Variants in SPINT1 observed in about 807,000 individuals in gnomAD.
SPINT1 encodes serine peptidase inhibitor, Kunitz type 1, also known as kunitz-type protease inhibitor 1.
A neutral mutation model predicts 53.7 loss-of-function variants in SPINT1; 38 were observed. The observed-to-expected ratio is 0.71, with a 90% CI of 0.55 to 0.93. SPINT1 has a LOEUF of 0.93. Ranked by LOEUF, SPINT1 falls within the 40% of genes least tolerant of loss-of-function variation. The probability of loss-of-function intolerance (pLI) is 0.00; values close to 1 mark genes in which losing one functional copy is unlikely to be tolerated. For synonymous variants in SPINT1, 283 were observed against 280.6 expected (o/e 1.01, Z -0.08); for missense variants, 645 against 692.9 (o/e 0.93, Z 0.78).
At chr15:40,852,123 C>G (rs942042077) in intron 2 of SPINT1, among the ~76,000 whole-genome samples, 2 of 152,198 alleles carry the variant, frequency 1.3e-5, no homozygotes, top group South Asian at 2.1e-4. Context: ...TCCAAAGACC[C>G]TAGGAGAGAA....
intron 2 of SPINT1, among the ~76,000 whole-genome samples, chr15:40,846,293 T>A (rs1273149095): frequency 6.6e-6 from 1 of 152,156 alleles, no homozygotes; most frequent in Admixed American, 6.5e-5. Flanking sequence ...TACCTGCTGT[T>A]CTGGCCAGGT....
Position 40,855,996 on chromosome 15 carries a change from T to G in SPINT1, c.1222T>G (p.Cys408Gly). 3 of 1,614,210 alleles carry G rather than the reference T, an allele frequency of 1.9e-6. No homozygotes were observed. The highest frequency in any genetic ancestry group is 1.1e-5 in the South Asian group (1 of 91,080). ...CTGCGCCCGCTTTACCTATGGTGGT[T>G]GTTACGGCAACAAGAACAACTTTGA... is the stretch of plus-strand genomic sequence containing the variant. ...EHCARFTYGG[C>G]YGNKNNFEEE... The change falls in exon 9 of 11, where the codon TGT (cysteine) becomes GGT (glycine). Residue 408 changes from cysteine to glycine, a missense_variant. Transcript: ENST00000562057.
Position 40,844,979 on chromosome 15 carries a change from C to G in SPINT1, c.425C>G (p.Thr142Arg), listed in dbSNP as rs12323939. 9,142 of 1,613,626 alleles carry G rather than the reference C, an allele frequency of 5.7e-3. 497 individuals carry two copies. The African/African-American group carries it at 0.11, about 19-fold the overall frequency. Residue 142 changes from threonine (T) to arginine (R), a missense_variant, in exon 2 of 11, where the codon ACG becomes AGG. Physicochemically the swap from Thr to Arg is moderately conservative, Grantham distance 71 (BLOSUM62 -1). Coordinates refer to ENST00000562057, the MANE Select transcript of SPINT1 (RefSeq NM_003710.4). The surrounding 1 kb of genome is among the most constrained non-coding windows in gnomAD (Gnocchi z 5.8). Reference protein sequence around the residue: ...APREGFINYLTREVYRSYRQL... With the variant: ...APREGFINYLRREVYRSYRQL... ...AGGGAGGGCTTCATCAACTACCTCACGAGGGAAGTGTACCGCTCCTACCGC... is the reference window on the plus strand; with the variant it reads ...AGGGAGGGCTTCATCAACTACCTCAGGAGGGAAGTGTACCGCTCCTACCGC...
At chr15:40,848,821 C>G (rs1161797584) in intron 2 of SPINT1, among the ~76,000 whole-genome samples, 2 of 152,172 alleles carry the variant, frequency 1.3e-5, no homozygotes, top group East Asian at 3.8e-4. Flanking sequence ...TTCTCTCTCT[C>G]TCTCTGTCTC....
chr15:40,851,676 C>T (rs898801660), intron 2 of SPINT1, among the ~76,000 whole-genome samples: 3 of 152,232 alleles, frequency 2.0e-5, no homozygotes, highest in East Asian at 1.9e-4. Flanking sequence ...TGAAGGGCAA[C>T]GTATTAATTT....
intron 2 of SPINT1, among the ~76,000 whole-genome samples, chr15:40,847,958 G>A (rs992477632): frequency 1.3e-5 from 2 of 152,048 alleles, no homozygotes; most frequent in African/African-American, 4.8e-5. Flanking sequence ...GTGTTCTCAG[G>A]GTACTCTCCT....
rs1464093852 is a variant in SPINT1, at chr15:40,844,095, C to A, written c.-157C>A. ...AGAAGGCGGCCGAGCCCCAGCTCTC[C>A]GAGCACCGGGTCGGAAGCCGCGACC... On this transcript the variant is annotated 5_prime_UTR_variant, in exon 1 of 11. Transcript: ENST00000562057. This position sits in a 1 kb window ranked among gnomAD's most constrained non-coding sequence, Gnocchi z 5.8. The A allele has an allele frequency of 1.4e-5, 6 of 433,688 alleles. No individual in the cohort carries two copies. The highest frequency in any genetic ancestry group is 2.5e-5 in the Admixed American group (1 of 40,584). 26.9% of individuals were successfully genotyped at this position (433,688 alleles called of 1,614,324 possible).
intron 2 of SPINT1, among the ~76,000 whole-genome samples, chr15:40,846,512 T>G (rs1042629157): frequency 2.0e-5 from 3 of 152,172 alleles, no homozygotes; most frequent in African/African-American, 7.2e-5. Context: ...CCATAAATGG[T>G]AGGCCTGAGA....
chr15:40,852,728 G>C (rs911656433), intron 2 of SPINT1, among the ~76,000 whole-genome samples: 17 of 151,302 alleles, frequency 1.1e-4, no homozygotes, highest in African/African-American at 4.1e-4. Context: ...TTTACAGCTG[G>C]GTGTGGTAAT....
At chr15:40,855,317 A>C (rs1891600128) in intron 8 of SPINT1, among the ~76,000 whole-genome samples, 1 of 152,176 alleles carries the variant, frequency 6.6e-6, no homozygotes, top group Non-Finnish European at 1.5e-5. Flanking sequence ...GGAGGTAGAG[A>C]CTGCAGTCAG....
At chr15:40,846,437 A>G (rs2142003300) in intron 2 of SPINT1, among the ~76,000 whole-genome samples, 1 of 152,324 alleles carries the variant, frequency 6.6e-6, no homozygotes, top group South Asian at 2.1e-4. Flanking sequence ...ACTAGCAGTC[A>G]TCCCACTTTT....
intron 2 of SPINT1, among the ~76,000 whole-genome samples, chr15:40,850,625 C>T (rs563188703): frequency 1.3e-5 from 2 of 152,312 alleles, no homozygotes; most frequent in East Asian, 3.9e-4. Context: ...TTCCCTTCTG[C>T]CTGTACCCTG....
chr15:40,844,707 G>A lies in SPINT1; in HGVS notation c.153G>A (p.Leu51=). ...GGCTGCCCGCGGGAGCCGACTGCCT[G>A]AACAGCTTTACCGCCGGGGTGCCTG... ...PPGLPAGADC[L]NSFTAGVPGF... The change falls in exon 2 of 11, where the codon CTG becomes CTA. Residue 51 remains leucine (L), a synonymous_variant. Coordinates refer to ENST00000562057, the MANE Select transcript of SPINT1 (RefSeq NM_003710.4). The surrounding 1 kb of genome is among the most constrained non-coding windows in gnomAD (Gnocchi z 5.8). 1.9e-6 allele frequency: 3 copies of A among 1,609,108 alleles called. No homozygotes were observed. Among genetic ancestry groups the A allele is most frequent in the Non-Finnish European group, 2.5e-6 (3 of 1,177,534 alleles).
chr15:40,854,641 A>T lies in SPINT1; in HGVS notation c.1069A>T (p.Thr357Ser). 1 of 1,614,216 alleles carries T rather than the reference A, an allele frequency of 6.2e-7. No individual in the cohort carries two copies. Among genetic ancestry groups the T allele is most frequent in the South Asian group, 1.1e-5 (1 of 91,086 alleles). ...ASDEAACEKY[T>S]SGFDELQRIH... ...ACTCTGACCTTTCCTCTCTGCAGACACGAGTGGCTTTGACGAGCTCCAGCG... is the reference window on the plus strand; with the variant it reads ...ACTCTGACCTTTCCTCTCTGCAGACTCGAGTGGCTTTGACGAGCTCCAGCG... The change falls in exon 8 of 11, where the codon ACG becomes TCG. Residue 357 changes from threonine (T) to serine (S), a missense_variant and splice_region_variant. By Grantham distance (58) the Thr-to-Ser change is moderately conservative (BLOSUM62 1). Transcript: ENST00000562057.
chr15:40,855,375 T>C (rs961189995), intron 8 of SPINT1, among the ~76,000 whole-genome samples: 1 of 152,004 alleles, frequency 6.6e-6, no homozygotes, highest in African/African-American at 2.4e-5. Flanking sequence ...AGTGAGACCC[T>C]GTCTCAAAAC....
rs747944437 is a variant in SPINT1 at position 40,857,968 on chromosome 15, G to A, written c.*993G>A. On this transcript the variant is annotated 3_prime_UTR_variant, in exon 11 of 11. Coordinates refer to ENST00000562057, the MANE Select transcript of SPINT1 (RefSeq NM_003710.4). ...TCTCCACAATTCTGCTCATTTGGAG[G>A]TTGGGGTTAGGGGTGCACAGGCACC... 1 of 152,200 alleles carries A rather than the reference G, an allele frequency of 6.6e-6. No individual in the cohort carries two copies. The highest frequency in any genetic ancestry group is 1.5e-5 in the Non-Finnish European group (1 of 68,048). 9.4% of individuals were successfully genotyped at this position (152,200 alleles called of 1,614,324 possible).
chr15:40,854,184 C>T (rs1039814429), intron 6 of SPINT1, 98 bp downstream of exon 6: 7 of 1,412,368 alleles, frequency 5.0e-6, no homozygotes, highest in Non-Finnish European at 6.7e-6. Flanking sequence ...CAAGCCATTC[C>T]TCCCCTCAGA....
At chr15:40,846,031 G>A (rs894047321) in intron 2 of SPINT1, among the ~76,000 whole-genome samples, 1 of 152,212 alleles carries the variant, frequency 6.6e-6, no homozygotes, top group Non-Finnish European at 1.5e-5. Context: ...TGGGGGATGA[G>A]GAGGGTTGTG....
At chr15:40,845,074 A>C (rs1228116912) in intron 2 of SPINT1, 45 bp downstream of exon 2, 26 of 1,503,974 alleles carry the variant, frequency 1.7e-5, no homozygotes, top group Non-Finnish European at 2.3e-5. Flanking sequence ...GACTCAAAAA[A>C]GGGACTGGTT....
Sources: gnomAD v4.1 joint callset for allele counts (sites outside exome capture counted in the v4.1 genomes callset) on GRCh38, gnomAD v4.1.1 for gene constraint, Gnocchi (gnomAD v3.1) non-coding constraint, MANE v1.5 for transcripts, NCBI Gene and HGNC (gene_info 2026-07-23, HGNC 2026-07-21) for gene names.